Variants in RAI1 observed in about 807,000 individuals in gnomAD.
RAI1 encodes retinoic acid induced 1, also known as retinoic acid-induced protein 1.
In RAI1, 9 loss-of-function variants were observed where a neutral mutation model predicts 123.8. The ratio of observed to expected loss-of-function variants is 0.07; its 90% CI spans 0.04 to 0.13. RAI1 has a LOEUF of 0.13. Among genes scored for constraint, RAI1 ranks in the 10% least tolerant of loss-of-function variants. The pLI is 1.00. For synonymous variants in RAI1, 1,231 were observed against 1,127.3 expected (o/e 1.09, Z -1.84); for missense variants, 2,256 against 2,545.8 (o/e 0.89, Z 2.45).
intron 2 of RAI1, among the ~76,000 whole-genome samples, chr17:17,780,144 C>T (rs2031518830): frequency 6.7e-6 from 1 of 150,318 alleles, no homozygotes; most frequent in African/African-American, 2.5e-5. Flanking sequence ...TGGCTCACTG[C>T]AACCTCCGCC....
At chr17:17,804,031 C>A in intron 4 of RAI1, 182 bp downstream of exon 4, 2 of 725,572 alleles carry the variant, frequency 2.8e-6, no homozygotes, top group South Asian at 1.5e-5. Flanking sequence ...ATGCCAGGGA[C>A]ATGGAAATGA....
At chr17:17,784,884 T>C (rs2031769262) in intron 2 of RAI1, among the ~76,000 whole-genome samples, 1 of 152,030 alleles carries the variant, frequency 6.6e-6, no homozygotes, top group Middle Eastern at 3.4e-3. Flanking sequence ...ACTGCAGGGG[T>C]CCCCATTTGC....
chr17:17,788,630 T>C (rs1312213556), intron 2 of RAI1, among the ~76,000 whole-genome samples: 1 of 152,156 alleles, frequency 6.6e-6, no homozygotes. Context: ...CTACAAATCA[T>C]GAAAACAGGT....
chr17:17,764,146 A>AC (rs2142993109), intron 2 of RAI1, among the ~76,000 whole-genome samples: 1 of 152,320 alleles, frequency 6.6e-6, no homozygotes, highest in South Asian at 2.1e-4. Context: ...GACCACAAAG[A>AC]CCAAGAAGGT....
At chr17:17,694,937 C>T (rs1914971191) in intron 1 of RAI1, among the ~76,000 whole-genome samples, 1 of 152,208 alleles carries the variant, frequency 6.6e-6, no homozygotes, top group East Asian at 1.9e-4. Flanking sequence ...GGTTACCGGG[C>T]CAGGCGGCGC....
At chr17:17,778,632 G>A (rs762773060) in intron 2 of RAI1, 30 of 421,476 alleles carry the variant, frequency 7.1e-5, no homozygotes, top group South Asian at 3.7e-4. Context: ...CCCTGAAACC[G>A]GAGCCCCAGC....
chr17:17,725,268 C>T (rs1476580210), intron 2 of RAI1, among the ~76,000 whole-genome samples: 1 of 152,164 alleles, frequency 6.6e-6, no homozygotes, highest in Non-Finnish European at 1.5e-5. Flanking sequence ...AGCCTCCTCC[C>T]CTCTGGTACA....
Position 17,797,035 on chromosome 17 carries a change from G to GACA in RAI1, c.4089_4091dup (p.Asp1363_Lys1364insAsn). The GACA allele has an allele frequency of 6.2e-7, 1 of 1,613,898 alleles. No homozygotes were observed. The highest frequency in any genetic ancestry group is 8.5e-7 in the Non-Finnish European group (1 of 1,180,036). ...TAATCCTCTGAGCCCATCCCTTTCC[G>GACA]ACAAAGACCGTGGGCTCAAGGGTGC... On this transcript the variant is annotated inframe_insertion, in exon 3 of 6. Transcript: ENST00000353383.
At chr17:17,749,592 T>TTCCCCCCC (rs2030071369) in intron 2 of RAI1, among the ~76,000 whole-genome samples, 1 of 152,234 alleles carries the variant, frequency 6.6e-6, no homozygotes, top group South Asian at 2.1e-4. Context: ...TCGCTTCATC[T>TTCCCCCCC]TCCCCCCCTC....
At chr17:17,772,854 C>T (rs1258303786) in intron 2 of RAI1, among the ~76,000 whole-genome samples, 1 of 152,096 alleles carries the variant, frequency 6.6e-6, no homozygotes, top group Non-Finnish European at 1.5e-5. Flanking sequence ...ATACAGTAAG[C>T]ACTTAGTAAC....
At chr17:17,691,672 G>C (rs955348870) in intron 1 of RAI1, among the ~76,000 whole-genome samples, 1 of 152,088 alleles carries the variant, frequency 6.6e-6, no homozygotes, top group African/African-American at 2.4e-5. Flanking sequence ...GCCTGGCCTC[G>C]GGGGGCCCAG....
intron 2 of RAI1, among the ~76,000 whole-genome samples, chr17:17,791,985 C>A (rs1018878647): frequency 1.3e-5 from 2 of 152,168 alleles, no homozygotes; most frequent in African/African-American, 4.8e-5. Flanking sequence ...CAGCCCTCAC[C>A]TGCTGAGGTG....
rs186789586 is a variant in RAI1, at chr17:17,722,195, G to A, written c.-148-1833G>A. On this transcript the variant is annotated intron_variant, in intron 1 of 5. Transcript: ENST00000353383. ...GGCTGACACATCTGTGTGATCCCTG[G>A]TGCAGTAACTCCGGTAGATGGATGG... Among the ~76,000 whole-genome samples the A allele has an allele frequency of 3.9e-5, 6 of 152,320 alleles. No homozygotes were observed. In the East Asian group the frequency reaches 1.2e-3, roughly 29 times the overall value.
intron 1 of RAI1, among the ~76,000 whole-genome samples, chr17:17,694,974 C>A (rs1349098381): frequency 6.6e-6 from 1 of 152,172 alleles, no homozygotes; most frequent in Non-Finnish European, 1.5e-5. Flanking sequence ...TTCTCCCACT[C>A]CCTGGATGTT....
At chr17:17,768,895 G>A (rs1370336758) in intron 2 of RAI1, among the ~76,000 whole-genome samples, 1 of 152,242 alleles carries the variant, frequency 6.6e-6, no homozygotes, top group Non-Finnish European at 1.5e-5. Context: ...CTTTCATGAG[G>A]GGGAGAGAGG....
intron 4 of RAI1, among the ~76,000 whole-genome samples, chr17:17,806,558 C>T (rs1736582827): frequency 6.6e-6 from 1 of 152,210 alleles, no homozygotes; most frequent in South Asian, 2.1e-4. Flanking sequence ...GCTACTGGCC[C>T]TTCCAGGCCC....
In RAI1 at chr17:17,796,753, C is replaced by G. The variant is rs2032271840; in HGVS notation, c.3805C>G (p.Leu1269Val). Residue 1269 changes from leucine (L) to valine (V), a missense_variant, in exon 3 of 6, where the codon CTC becomes GTC. This residue lies in a region of RAI1 where 322 missense variants were observed against 358.0 expected (regional missense o/e 0.90). Transcript: ENST00000353383. This position sits in a 1 kb window ranked among gnomAD's most constrained non-coding sequence, Gnocchi z 5.8. The part of the protein sequence containing the change: ...KEERPEGSPT[L>V]FKRMSSPKKA... ...GGAGAGGCCTGAGGGTTCCCCCACC[C>G]TCTTCAAGAGGATGTCTTCTCCCAA... 7 of 1,613,432 alleles carry G rather than the reference C, an allele frequency of 4.3e-6. No homozygotes were observed. The highest frequency in any genetic ancestry group is 2.2e-5 in the East Asian group (1 of 44,870).
chr17:17,802,864 A>G (rs1205777265), intron 3 of RAI1, among the ~76,000 whole-genome samples: 1 of 152,036 alleles, frequency 6.6e-6, no homozygotes, highest in African/African-American at 2.4e-5. Flanking sequence ...CAGGCAGATC[A>G]CCTGAGGTCG....
At chr17:17,732,701 G>A (rs1303985642) in intron 2 of RAI1, among the ~76,000 whole-genome samples, 1 of 152,180 alleles carries the variant, frequency 6.6e-6, no homozygotes, top group Admixed American at 6.5e-5. Flanking sequence ...AAGGCCCAGA[G>A]GCTACTGCTG....
Sources: gnomAD v4.1 joint callset for allele counts (sites outside exome capture counted in the v4.1 genomes callset) on GRCh38, gnomAD v4.1.1 for gene constraint, gnomAD v4.1.1 regional missense constraint, Gnocchi (gnomAD v3.1) non-coding constraint, MANE v1.5 for transcripts, NCBI Gene and HGNC (gene_info 2026-07-23, HGNC 2026-07-21) for gene names.